The following RELN variants were observed in gnomAD, a reference collection of about 807,000 sequenced individuals.
RELN encodes the protein reelin.
RELN carries 108 observed loss-of-function variants against 427.6 expected under a neutral mutation model. The ratio of observed to expected loss-of-function variants is 0.25; its 90% CI spans 0.22 to 0.30. RELN has a LOEUF of 0.30. RELN is among the 10% of genes least tolerant of loss of function. The pLI is 1.00. For missense variants in RELN, 3,715 were observed against 4,302.8 expected, an observed-to-expected ratio of 0.86 and a Z score of 3.82; for synonymous variants, 1,524 against 1,513.4, an observed-to-expected ratio of 1.01 and a Z score of -0.16.
intron 10 of RELN, among the ~76,000 whole-genome samples, chr7:103,693,118 G>T (rs1833905021): frequency 6.6e-6 from 1 of 152,042 alleles, no homozygotes; most frequent in Non-Finnish European, 1.5e-5. Flanking sequence ...TGATAGACTG[G>T]ATAAAGAAAA....
Position 103,772,682 on chromosome 7 carries a change from G to A in RELN, c.544+3875C>T, listed in dbSNP as rs116900566. On this transcript the variant is annotated intron_variant, in intron 4 of 64. Transcript: ENST00000428762. Reference sequence around the variant, plus strand: ...CAGAACAAAAGGATGTAAAAGGATAGCCCAGGCAAAGAAAACTTGGAGAGT... The same window carrying A: ...CAGAACAAAAGGATGTAAAAGGATAACCCAGGCAAAGAAAACTTGGAGAGT... Among the ~76,000 whole-genome samples, 38 of 152,310 alleles carry A rather than the reference G, an allele frequency of 2.5e-4. 1 individual carries two copies. The East Asian group carries it at 2.5e-3, about 10-fold the overall frequency.
intron 1 of RELN, among the ~76,000 whole-genome samples, chr7:103,977,562 C>T (rs567140851): frequency 1.3e-5 from 2 of 152,176 alleles, no homozygotes; most frequent in East Asian, 1.9e-4. Context: ...CTTGTGGTCC[C>T]AGGAACTTGA....
chr7:103,551,401 T>A (rs895384534), intron 40 of RELN, 105 bp from the exon 41 acceptor site: 2 of 793,750 alleles, frequency 2.5e-6, no homozygotes, highest in Non-Finnish European at 4.3e-6. Context: ...GGGAACTGTC[T>A]TGCTGAAATA....
intron 48 of RELN, among the ~76,000 whole-genome samples, chr7:103,520,080 A>G (rs1426348509): frequency 6.6e-6 from 1 of 151,518 alleles, no homozygotes; most frequent in Non-Finnish European, 1.5e-5. Flanking sequence ...ATGAATGTTT[A>G]TTTGGGCCAA....
At chr7:103,773,170 C>T (rs866835514) in intron 4 of RELN, among the ~76,000 whole-genome samples, 14 of 121,554 alleles carry the variant, frequency 1.2e-4, no homozygotes, top group African/African-American at 2.5e-4. Context: ...CTTTCTTTTT[C>T]TTTCTTTCCT....
At chr7:103,635,649 G>T (rs1186888014) in intron 18 of RELN, 63 bp from the exon 19 acceptor site, 20 of 1,424,836 alleles carry the variant, frequency 1.4e-5, no homozygotes, top group African/African-American at 5.6e-5. Flanking sequence ...TGTTCATTTT[G>T]GTCTTTAAAG....
chr7:103,832,301 G>A (rs1793292825), intron 3 of RELN, among the ~76,000 whole-genome samples: 1 of 152,104 alleles, frequency 6.6e-6, no homozygotes, highest in African/African-American at 2.4e-5. Context: ...TTTCTGAACT[G>A]CCTTTGACTT....
At chr7:103,625,758 C>T (rs1439205058) in intron 20 of RELN, among the ~76,000 whole-genome samples, 1 of 151,892 alleles carries the variant, frequency 6.6e-6, no homozygotes, top group Non-Finnish European at 1.5e-5. Context: ...CTCAAAGAGG[C>T]TAAATAAATT....
intron 1 of RELN, among the ~76,000 whole-genome samples, chr7:103,937,062 C>G (rs1796003860): frequency 6.6e-6 from 1 of 152,240 alleles, no homozygotes; most frequent in Non-Finnish European, 1.5e-5. Context: ...ATTTTACCCT[C>G]CTTATGGATG....
chr7:103,484,482 A>C (rs1828357107), intron 61 of RELN: 1 of 157,764 alleles, frequency 6.3e-6, no homozygotes, highest in Non-Finnish European at 1.4e-5. Flanking sequence ...GGATCAGCTG[A>C]ATCAACCCTG....
intron 2 of RELN, among the ~76,000 whole-genome samples, chr7:103,840,449 C>T (rs1299877149): frequency 6.6e-6 from 1 of 152,256 alleles, no homozygotes; most frequent in Non-Finnish European, 1.5e-5. Context: ...CCCTCTCAAG[C>T]TTCATTCTGA....
chr7:103,866,471 G>T (rs928661733), intron 2 of RELN, among the ~76,000 whole-genome samples: 1 of 151,908 alleles, frequency 6.6e-6, no homozygotes, highest in Non-Finnish European at 1.5e-5. Flanking sequence ...TAACTGCATG[G>T]TTAATTATAT....
chr7:103,863,958 A>G (rs936738429), intron 2 of RELN, among the ~76,000 whole-genome samples: 6 of 152,150 alleles, frequency 3.9e-5, no homozygotes, highest in Admixed American at 2.0e-4. Flanking sequence ...TTTAAATAAT[A>G]CACTTTAAAC....
At chr7:103,859,941 GACA>G (rs990409589) in intron 2 of RELN, among the ~76,000 whole-genome samples, 6 of 152,036 alleles carry the variant, frequency 3.9e-5, no homozygotes, top group African/African-American at 7.2e-5. Flanking sequence ...TGTTCACAAT[GACA>G]ACAATTAACA....
chr7:103,930,382 A>G (rs1795834762), intron 1 of RELN, among the ~76,000 whole-genome samples: 1 of 145,304 alleles, frequency 6.9e-6, no homozygotes. Flanking sequence ...ATTATGAGTT[A>G]CCAGGGATTA....
intron 1 of RELN, among the ~76,000 whole-genome samples, chr7:103,924,755 A>AT (rs575222650): frequency 3.3e-5 from 5 of 151,992 alleles, no homozygotes; most frequent in African/African-American, 4.8e-5. Context: ...ATCCACTGAA[A>AT]TTTTTTTTGC....
intron 4 of RELN, among the ~76,000 whole-genome samples, chr7:103,755,678 T>G (rs2116099155): frequency 6.7e-6 from 1 of 149,474 alleles, no homozygotes; most frequent in African/African-American, 2.5e-5. Context: ...TAGCCAGGTG[T>G]GGTGGCGGGT....
Position 103,540,388 on chromosome 7 carries a change from G to C in RELN, c.6739C>G (p.Leu2247Val). 1 of 1,614,096 alleles carries C rather than the reference G, an allele frequency of 6.2e-7. No individual in the cohort carries two copies. The highest frequency in any genetic ancestry group is 8.5e-7 in the Non-Finnish European group (1 of 1,179,978). Residue 2247 changes from leucine (L) to valine (V), a missense_variant, in exon 44 of 65, where the codon CTC (leucine) becomes GTC (valine). Physicochemically the swap from Leu to Val is conservative, Grantham distance 32 (BLOSUM62 1). Coordinates refer to ENST00000428762, the MANE Select transcript of RELN (RefSeq NM_005045.4). Reference protein sequence around the residue: ...GVPDPRSQPVLLQYSLNGGLS... With the variant: ...GVPDPRSQPVVLQYSLNGGLS... ...CCACCGTTGAGAGAATACTGTAGGA[G>C]CACGGGTTGACTCCTGGGGTCAGGA...
At chr7:103,720,461 TTGAATCA>T (rs1790047934) in intron 8 of RELN, among the ~76,000 whole-genome samples, 2 of 152,092 alleles carry the variant, frequency 1.3e-5, no homozygotes, top group African/African-American at 4.8e-5. Flanking sequence ...AGAAAACTGC[TTGAATCA>T]TTGTGTTATA....
Sources: allele counts gnomAD v4.1 joint callset (sites outside exome capture counted in the v4.1 genomes callset), GRCh38; gene constraint gnomAD v4.1.1; transcripts MANE v1.5; gene names NCBI Gene and HGNC (gene_info 2026-07-23, HGNC 2026-07-21).